Variants in GNB5 observed in about 807,000 individuals in gnomAD.
GNB5 encodes guanine nucleotide-binding protein subunit beta-5.
Under a neutral mutation model 55.3 loss-of-function variants are expected in GNB5, and 37 were observed. That is an observed-to-expected ratio of 0.67 (90% CI 0.51 to 0.88). The LOEUF is 0.88. GNB5 is among the 40% of genes least tolerant of loss of function. The pLI is 0.00. For missense variants in GNB5, 476 were observed against 515.3 expected (o/e 0.92, Z 0.74); for synonymous variants, 219 against 198.5 (o/e 1.10, Z -0.87).
At chr15:52,146,619 C>T (rs1742880292) in intron 6 of GNB5, among the ~76,000 whole-genome samples, 1 of 152,136 alleles carries the variant, frequency 6.6e-6, no homozygotes, top group Non-Finnish European at 1.5e-5. Context: ...GGCTGGACTG[C>T]AGTGGCATGA....
chr15:52,138,361 C>G (rs1345581785), intron 7 of GNB5: 1 of 138,318 alleles, frequency 7.2e-6, no homozygotes, highest in Non-Finnish European at 1.5e-5. Context: ...CCAGCCTGGG[C>G]AACAGAGTGA....
At chr15:52,189,777 A>G (rs1246205997) in intron 1 of GNB5, among the ~76,000 whole-genome samples, 1 of 152,228 alleles carries the variant, frequency 6.6e-6, no homozygotes, top group Non-Finnish European at 1.5e-5. Context: ...ACATGGTCAA[A>G]CCTTAAAAAC....
At chr15:52,137,913 C>T (rs1267989907) in intron 7 of GNB5, 2 of 1,287,120 alleles carry the variant, frequency 1.6e-6, no homozygotes, top group Non-Finnish European at 2.0e-6. Context: ...TAAGTGTCCA[C>T]AAGAGAGCCC....
In GNB5 at chr15:52,149,604, T is replaced by A. The variant is rs7172434; in HGVS notation, c.417+280A>T. On this transcript the variant is annotated intron_variant, in intron 5 of 12. Coordinates refer to ENST00000261837, the MANE Select transcript of GNB5 (RefSeq NM_016194.4). ...ATAGTACATGCAGTTGCACATGTGG[T>A]TGCAAGTTTTCCATGCTTTGCCCAT... 577,037 of 591,618 alleles carry A rather than the reference T, an allele frequency of 0.98. 282,937 individuals carry two copies. The highest frequency in any genetic ancestry group is 1 in the East Asian group (36,216 of 36,216). 36.6% of individuals were successfully genotyped at this position (591,618 alleles called of 1,614,324 possible). A position where few individuals can be genotyped will look rare whatever the true frequency, so the allele number is the denominator to read the frequency against.
chr15:52,169,538 C>CAAAAA (rs60470864), intron 3 of GNB5, among the ~76,000 whole-genome samples: 529 of 71,378 alleles, frequency 7.4e-3, no homozygotes, highest in African/African-American at 9.8e-3. Context: ...GACTCTGTCT[C>CAAAAA]AAAAAAAAAA....
intron 1 of GNB5, among the ~76,000 whole-genome samples, chr15:52,186,833 G>C (rs965272087): frequency 3.3e-5 from 5 of 152,160 alleles, no homozygotes; most frequent in Admixed American, 6.5e-5. Flanking sequence ...GGGCTCATGA[G>C]TTGGGCTGAG....
At chr15:52,127,993 G>GA (rs755565474) in intron 10 of GNB5, among the ~76,000 whole-genome samples, 1 of 152,042 alleles carries the variant, frequency 6.6e-6, no homozygotes, top group Non-Finnish European at 1.5e-5. Context: ...CATTTTGTTT[G>GA]TTAAAAAGAA....
chr15:52,157,480 G>A (rs2034237948), intron 3 of GNB5, among the ~76,000 whole-genome samples: 1 of 152,026 alleles, frequency 6.6e-6, no homozygotes, highest in Admixed American at 6.6e-5. Context: ...ATCTGACCTC[G>A]TGATCAACCC....
chr15:52,145,707 G>C (rs1842840165), intron 6 of GNB5, among the ~76,000 whole-genome samples: 1 of 152,026 alleles, frequency 6.6e-6, no homozygotes, highest in Non-Finnish European at 1.5e-5. Context: ...AAGTGGTCTT[G>C]GCCACTGGAA....
At chr15:52,172,133 TTTTTA>T (rs959539824) in intron 3 of GNB5, among the ~76,000 whole-genome samples, 1 of 152,036 alleles carries the variant, frequency 6.6e-6, no homozygotes, top group African/African-American at 2.4e-5. Flanking sequence ...CCCCTTTCTC[TTTTTA>T]TTTTTTATTT....
intron 1 of GNB5, among the ~76,000 whole-genome samples, chr15:52,189,324 G>C (rs979174058): frequency 6.6e-6 from 1 of 152,174 alleles, no homozygotes. Context: ...CTGGCTGGGC[G>C]TGGTGGCTCA....
intron 6 of GNB5, among the ~76,000 whole-genome samples, chr15:52,145,400 G>A (rs1386904134): frequency 6.6e-6 from 1 of 151,954 alleles, no homozygotes; most frequent in Non-Finnish European, 1.5e-5. Flanking sequence ...AACACTTTGG[G>A]AGGCTGAGGC....
rs2033255055 is a variant in GNB5 at position 52,121,058 on chromosome 15, T to C, written c.*1699A>G. On this transcript the variant is annotated 3_prime_UTR_variant, in exon 13 of 13. Coordinates refer to ENST00000261837, the MANE Select transcript of GNB5 (RefSeq NM_016194.4). ...TGTGAGGGTGGGCCTGGCACACCCC[T>C]GGATGTTTACAGGAGCATCTGGTCC... The C allele has an allele frequency of 6.6e-6, 1 of 152,258 alleles. No homozygotes were observed. The highest frequency in any genetic ancestry group is 1.5e-5 in the Non-Finnish European group (1 of 68,052). The allele number at this position is 152,258 out of a possible 1,614,324, so 9.4% of individuals were successfully genotyped here.
At chr15:52,149,427 C>G in intron 5 of GNB5, 1 of 309,332 alleles carries the variant, frequency 3.2e-6, no homozygotes, top group Non-Finnish European at 5.9e-6. Flanking sequence ...GCAAGGGGAT[C>G]AGACTGCATC....
At chr15:52,189,472 TG>T (rs1346723922) in intron 1 of GNB5, among the ~76,000 whole-genome samples, 1 of 152,022 alleles carries the variant, frequency 6.6e-6, no homozygotes, top group Non-Finnish European at 1.5e-5. Flanking sequence ...CCCAGCTACT[TG>T]GGAGGCTGAG....
chr15:52,122,637 C>G lies in GNB5; in HGVS notation c.*120G>C. The G allele has an allele frequency of 1.3e-6, 1 of 789,028 alleles. No individual in the cohort carries two copies. The highest frequency in any genetic ancestry group is 2.4e-5 in the East Asian group (1 of 41,228). The allele number at this position is 789,028 out of a possible 1,614,324, so 48.9% of individuals were successfully genotyped here. ...TTGGAGACGCTTAGTGACCTGTGAG[C>G]CATGGGTTGCTCCCCTAAGCTACAC... On this transcript the variant is annotated 3_prime_UTR_variant, in exon 13 of 13. Coordinates refer to ENST00000261837, the MANE Select transcript of GNB5 (RefSeq NM_016194.4).
rs1468880323 is a variant in GNB5, at chr15:52,121,191, G to A, written c.*1566C>T. 11 of 152,418 alleles carry A rather than the reference G, an allele frequency of 7.2e-5. No homozygotes were observed. The highest frequency in any genetic ancestry group is 2.4e-4 in the African/African-American group (10 of 41,448). 9.4% of individuals were successfully genotyped at this position (152,418 alleles called of 1,614,324 possible). ...CAGAGCTACCACTAGAAGAAGGGCTGGGCTGGAGCAGGGCCAGGAAAGGAG... is the reference window on the plus strand; with the variant it reads ...CAGAGCTACCACTAGAAGAAGGGCTAGGCTGGAGCAGGGCCAGGAAAGGAG... On this transcript the variant is annotated 3_prime_UTR_variant, in exon 13 of 13. Coordinates refer to ENST00000261837, the MANE Select transcript of GNB5 (RefSeq NM_016194.4).
rs962993909 is a variant in GNB5 at position 52,159,929 on chromosome 15, A to G, written c.239-5853T>C. 5.3e-5 allele frequency among the ~76,000 whole-genome samples: 8 copies of G among 150,774 alleles called. No homozygotes were observed. In the South Asian group the frequency reaches 1.3e-3, roughly 24 times the overall value. On this transcript the variant is annotated intron_variant, in intron 3 of 12. Transcript: ENST00000261837. ...GGATGCATAGGAGTTGGGGTGGAAA[A>G]GGGTAGGTGGGAAATTAGCTTCTTT...
chr15:52,190,120 T>TAA (rs2034899658), intron 1 of GNB5, among the ~76,000 whole-genome samples: 1 of 142,084 alleles, frequency 7.0e-6, no homozygotes, highest in Admixed American at 6.9e-5. Flanking sequence ...TCAATAAATT[T>TAA]TTTTTTTTTT....
Sources: allele counts gnomAD v4.1 joint callset (sites outside exome capture counted in the v4.1 genomes callset), GRCh38; gene constraint gnomAD v4.1.1; transcripts MANE v1.5; gene names NCBI Gene and HGNC (gene_info 2026-07-23, HGNC 2026-07-21).